Variants in ZMYM4 observed in about 807,000 individuals in gnomAD.
The protein encoded by ZMYM4 is zinc finger MYM-type containing 4.
ZMYM4 carries 31 observed loss-of-function variants against 183.2 expected under a neutral mutation model. The ratio of observed to expected loss-of-function variants is 0.17; its 90% CI spans 0.13 to 0.23. ZMYM4 has a LOEUF of 0.23. Ranked by LOEUF, ZMYM4 falls within the 10% of genes least tolerant of loss-of-function variation. The pLI is 1.00. For missense variants in ZMYM4, 1,273 were observed against 1,840.3 expected (o/e 0.69, Z 5.64); for synonymous variants, 592 against 631.2 (o/e 0.94, Z 0.93).
rs1241872814 is a variant in ZMYM4 at position 35,420,666 on chromosome 1, A to T, written c.*989A>T. ...GCACCAGTTTCTGGAGGCCCTTGTC[A>T]TTTCAAAAAGGATAGTCTCTTTTCT... On this transcript the variant is annotated 3_prime_UTR_variant, in exon 30 of 30. Transcript: ENST00000314607. The T allele has an allele frequency of 6.6e-6, 1 of 152,456 alleles. No homozygotes were observed. The highest frequency in any genetic ancestry group is 2.4e-5 in the African/African-American group (1 of 41,384). The allele number at this position is 152,456 out of a possible 1,614,324, so 9.4% of individuals were successfully genotyped here.
Position 35,404,923 on chromosome 1 carries a change from T to C in ZMYM4, c.3529-100T>C, listed in dbSNP as rs1300906550. 2.5e-6 allele frequency: 3 copies of C among 1,219,576 alleles called. No individual in the cohort carries two copies. The Admixed American group carries it at 7.7e-5, about 31-fold the overall frequency. The allele number at this position is 1,219,576 out of a possible 1,614,324, so 75.5% of individuals were successfully genotyped here. A position where few individuals can be genotyped will look rare whatever the true frequency, so the allele number is the denominator to read the frequency against. On this transcript the variant is annotated intron_variant, in intron 23 of 29. Transcript: ENST00000314607. Reference sequence around the variant, plus strand: ...ATCTTTAGGATATAAAACTAAATTCTTTATTCTACAAATGTATACCCTTTC... The same window carrying C: ...ATCTTTAGGATATAAAACTAAATTCCTTATTCTACAAATGTATACCCTTTC...
intron 2 of ZMYM4, among the ~76,000 whole-genome samples, chr1:35,328,620 T>A (rs1642607298): frequency 6.6e-6 from 1 of 151,934 alleles, no homozygotes; most frequent in African/African-American, 2.4e-5. Flanking sequence ...ATACCAAATG[T>A]TAGTTGCAAA....
At chr1:35,368,659 CT>C (rs1436619594) in intron 5 of ZMYM4, among the ~76,000 whole-genome samples, 2 of 151,914 alleles carry the variant, frequency 1.3e-5, no homozygotes, top group Non-Finnish European at 2.9e-5. Flanking sequence ...TACTATGTAC[CT>C]TTTTACCTAG....
intron 1 of ZMYM4, among the ~76,000 whole-genome samples, chr1:35,313,189 C>T (rs760431236): frequency 1.3e-5 from 2 of 151,750 alleles, no homozygotes; most frequent in South Asian, 2.1e-4. Flanking sequence ...CCACCGTGAC[C>T]GGCCCCAGCT....
At chr1:35,332,372 C>T (rs776282222) in intron 2 of ZMYM4, among the ~76,000 whole-genome samples, 22 of 150,386 alleles carry the variant, frequency 1.5e-4, no homozygotes, top group Admixed American at 6.6e-5. Flanking sequence ...GATTCAATGG[C>T]TCCGGTGTTC....
At chr1:35,375,797 T>C (rs1052236625) in intron 7 of ZMYM4, among the ~76,000 whole-genome samples, 1 of 152,208 alleles carries the variant, frequency 6.6e-6, no homozygotes, top group Non-Finnish European at 1.5e-5. Context: ...TTGTCTTGGC[T>C]GGGAGCAGTG....
intron 26 of ZMYM4, 133 bp downstream of exon 26, chr1:35,408,292 C>A: frequency 8.7e-7 from 1 of 1,145,664 alleles, no homozygotes; most frequent in Non-Finnish European, 1.2e-6. Flanking sequence ...TTTTTAACAA[C>A]AAATTGGAAA....
In ZMYM4 at chr1:35,389,815, A is replaced by C; in HGVS notation, c.2437-133A>C. ...TGTGTGTGTGTGTGTGTGTATAATC[A>C]TTGATAAAGACAAACTAATTTTTTG... On this transcript the variant is annotated intron_variant, in intron 14 of 29. Transcript: ENST00000314607. The surrounding 1 kb of genome is among the most constrained non-coding windows in gnomAD (Gnocchi z 4.0). The C allele has an allele frequency of 1.4e-6, 1 of 706,502 alleles. No homozygotes were observed. Among genetic ancestry groups the C allele is most frequent in the Admixed American group, 3.0e-5 (1 of 32,954 alleles). The allele number at this position is 706,502 out of a possible 1,614,324, so 43.8% of individuals were successfully genotyped here.
At chr1:35,410,489 A>T (rs556743777) in intron 26 of ZMYM4, among the ~76,000 whole-genome samples, 45 of 151,128 alleles carry the variant, frequency 3.0e-4, no homozygotes, top group Middle Eastern at 3.4e-3. Context: ...TTTATTAATT[A>T]ATTTATTTAT....
At chr1:35,384,621 G>A (rs1644533816) in intron 9 of ZMYM4, among the ~76,000 whole-genome samples, 1 of 151,872 alleles carries the variant, frequency 6.6e-6, no homozygotes, top group African/African-American at 2.4e-5. Context: ...ATTATTAGTG[G>A]TAGAATATTT....
At chr1:35,299,810 T>TG (rs1451931503) in intron 1 of ZMYM4, among the ~76,000 whole-genome samples, 1 of 151,730 alleles carries the variant, frequency 6.6e-6, no homozygotes, top group East Asian at 1.9e-4. Context: ...TTTTTTTTTT[T>TG]ATGAGACAGA....
chr1:35,394,996 T>C (rs1558161755), intron 18 of ZMYM4, among the ~76,000 whole-genome samples: 1 of 152,160 alleles, frequency 6.6e-6, no homozygotes, highest in Non-Finnish European at 1.5e-5. Flanking sequence ...AAGGAAATTC[T>C]TGATTTCTAG....
intron 25 of ZMYM4, among the ~76,000 whole-genome samples, chr1:35,407,513 G>GCA (rs941017970): frequency 1.2e-4 from 18 of 151,676 alleles, no homozygotes; most frequent in African/African-American, 4.4e-4. Flanking sequence ...GTACCATTAA[G>GCA]CACTGTGAAT....
chr1:35,402,804 C>T (rs1273867129), intron 23 of ZMYM4, among the ~76,000 whole-genome samples: 1 of 150,206 alleles, frequency 6.7e-6, no homozygotes, highest in Non-Finnish European at 1.5e-5. Context: ...CCTAGACAAT[C>T]ATATTATCTG....
At chr1:35,326,747 A>T (rs1298884542) in intron 2 of ZMYM4, among the ~76,000 whole-genome samples, 1 of 152,174 alleles carries the variant, frequency 6.6e-6, no homozygotes, top group South Asian at 2.1e-4. Context: ...AATTAACCTA[A>T]TGTGCACATC....
At chr1:35,407,356 C>T (rs1423240577) in intron 25 of ZMYM4, among the ~76,000 whole-genome samples, 2 of 150,690 alleles carry the variant, frequency 1.3e-5, no homozygotes, top group African/African-American at 2.4e-5. Context: ...CACTTGAACC[C>T]GGCGGAGGTT....
Position 35,299,781 on chromosome 1 carries a change from T to A in ZMYM4, c.40-25579T>A, listed in dbSNP as rs1022191116. ...TGCAGAAAGCAACCAACAGAGATTC[T>A]TTCTTTCTTTCTTTTCTTTTTTTTT... On this transcript the variant is annotated intron_variant, in intron 1 of 29. Coordinates refer to ENST00000314607, the MANE Select transcript of ZMYM4 (RefSeq NM_005095.3). Among the ~76,000 whole-genome samples the A allele has an allele frequency of 3.3e-5, 5 of 151,894 alleles. 1 individual carries two copies. Among genetic ancestry groups the A allele is most frequent in the Admixed American group, 2.6e-4 (4 of 15,272 alleles).
chr1:35,410,066 T>C (rs1639819983), intron 26 of ZMYM4, among the ~76,000 whole-genome samples: 1 of 152,078 alleles, frequency 6.6e-6, no homozygotes, highest in Non-Finnish European at 1.5e-5. Flanking sequence ...CATATGATCA[T>C]GGCAGAAGGT....
chr1:35,289,147 G>T (rs1032424481), intron 1 of ZMYM4, among the ~76,000 whole-genome samples: 2 of 152,230 alleles, frequency 1.3e-5, no homozygotes, highest in African/African-American at 4.8e-5. Context: ...AGTGATTGCA[G>T]TAGGAAGAAT....
Sources: gnomAD v4.1 joint callset for allele counts (sites outside exome capture counted in the v4.1 genomes callset) on GRCh38, gnomAD v4.1.1 for gene constraint, Gnocchi (gnomAD v3.1) non-coding constraint, MANE v1.5 for transcripts, NCBI Gene and HGNC (gene_info 2026-07-23, HGNC 2026-07-21) for gene names.